The following ATP13A5 variants were observed in gnomAD, a reference collection of about 807,000 sequenced individuals.
ATP13A5 encodes the protein ATPase 13A5, also known as probable cation-transporting ATPase 13A5.
A neutral mutation model predicts 150.2 loss-of-function variants in ATP13A5; 149 were observed. The observed-to-expected ratio is 0.99, with a 90% confidence interval of 0.87 to 1.14. The LOEUF (loss-of-function observed/expected upper bound fraction) is 1.14, where lower values mean the gene tolerates loss of function less well. Among genes scored for constraint, ATP13A5 ranks in the 50% most tolerant of loss-of-function variants. The pLI is 0.00. For synonymous variants in ATP13A5, 497 were observed against 522.2 expected (o/e 0.95, Z 0.66); for missense variants, 1,383 against 1,449.3 (o/e 0.95, Z 0.74).
intron 5 of ATP13A5, among the ~76,000 whole-genome samples, chr3:193,356,657 A>C (rs978686979): frequency 1.3e-5 from 2 of 152,156 alleles, no homozygotes; most frequent in African/African-American, 4.8e-5. Flanking sequence ...CTATCTTTGA[A>C]GTCTTACTCC....
In ATP13A5 at chr3:193,311,916, C is replaced by T. The variant is rs1718866372; in HGVS notation, c.2345G>A (p.Ser782Asn). 1 of 1,613,872 alleles carries T rather than the reference C, an allele frequency of 6.2e-7. No individual in the cohort carries two copies. Among genetic ancestry groups the T allele is most frequent in the Non-Finnish European group, 8.5e-7 (1 of 1,179,832 alleles). Reference sequence around the variant, plus strand: ...TCCTCCTTCCCCACGAGGGGTTGAACTGTTTCCAGTATGCATGTAGATTTC... The same window carrying T: ...TCCTCCTTCCCCACGAGGGGTTGAATTGTTTCCAGTATGCATGTAGATTTC... ...KKEIYMHTGN[S>N]STPRGEGGSC... Residue 782 changes from serine (S) to asparagine (N), a missense_variant, in exon 20 of 30, where the codon AGT (serine) becomes AAT (asparagine). Coordinates refer to ENST00000342358, the MANE Select transcript of ATP13A5 (RefSeq NM_198505.4).
intron 16 of ATP13A5, among the ~76,000 whole-genome samples, chr3:193,319,784 C>G (rs1235668543): frequency 6.6e-6 from 1 of 151,942 alleles, no homozygotes; most frequent in Non-Finnish European, 1.5e-5. Flanking sequence ...AAAAACAAAA[C>G]TAGGATGCAC....
chr3:193,344,709 A>G (rs1441049507), intron 8 of ATP13A5, among the ~76,000 whole-genome samples: 8 of 152,162 alleles, frequency 5.3e-5, no homozygotes, highest in Admixed American at 5.2e-4. Context: ...GAACCCAGAC[A>G]TTGGGTAAGA....
rs535449371 is a variant in ATP13A5, at chr3:193,333,168, CACAA to C, written c.1272+578_1272+581del. 3.1e-3 allele frequency among the ~76,000 whole-genome samples: 472 copies of C among 149,982 alleles called. 5 individuals carry two copies. Among genetic ancestry groups the C allele is most frequent in the East Asian group, 0.03 (151 of 5,068 alleles). ...ACACACACACACACAAACACACACA[CACAA>C]ACACACACACACACACACACACGCT... On this transcript the variant is annotated intron_variant, in intron 11 of 29. Coordinates refer to ENST00000342358, the MANE Select transcript of ATP13A5 (RefSeq NM_198505.4).
chr3:193,330,272 TC>T (rs1711579605), intron 12 of ATP13A5, among the ~76,000 whole-genome samples: 1 of 152,184 alleles, frequency 6.6e-6, no homozygotes, highest in Non-Finnish European at 1.5e-5. Flanking sequence ...CCATCTACAC[TC>T]CCATTTTCCT....
At chr3:193,310,261 A>G (rs1338039014) in intron 21 of ATP13A5, among the ~76,000 whole-genome samples, 2 of 151,988 alleles carry the variant, frequency 1.3e-5, no homozygotes, top group Non-Finnish European at 2.9e-5. Flanking sequence ...TCTTTGTCCA[A>G]TCTGTCATTG....
chr3:193,293,706 G>A (rs937119745), intron 25 of ATP13A5, among the ~76,000 whole-genome samples: 5 of 152,004 alleles, frequency 3.3e-5, no homozygotes, highest in African/African-American at 1.2e-4. Context: ...ATTTCAGGAG[G>A]TTCATGAACC....
At chr3:193,349,983 A>C (rs1712502524) in intron 7 of ATP13A5, among the ~76,000 whole-genome samples, 1 of 152,206 alleles carries the variant, frequency 6.6e-6, no homozygotes, top group African/African-American at 2.4e-5. Context: ...TGTGGTGGCA[A>C]AAGATTGAGG....
chr3:193,295,613 T>C (rs1718136894), intron 25 of ATP13A5, among the ~76,000 whole-genome samples: 1 of 152,110 alleles, frequency 6.6e-6, no homozygotes, highest in Non-Finnish European at 1.5e-5. Flanking sequence ...TGAACACTTG[T>C]ATAAGGGAAT....
chr3:193,347,796 C>T (rs1255516317), intron 7 of ATP13A5, among the ~76,000 whole-genome samples: 1 of 152,154 alleles, frequency 6.6e-6, no homozygotes, highest in Non-Finnish European at 1.5e-5. Context: ...TCATAAAGGC[C>T]TACTCAAATG....
At chr3:193,310,789 G>GA in intron 20 of ATP13A5, 72 bp from the exon 21 acceptor site, 1 of 1,140,824 alleles carries the variant, frequency 8.8e-7, no homozygotes. Context: ...GAACAGCCCT[G>GA]AAAAATCACT....
intron 5 of ATP13A5, among the ~76,000 whole-genome samples, chr3:193,357,627 G>T (rs1050699256): frequency 6.6e-6 from 1 of 152,212 alleles, no homozygotes; most frequent in African/African-American, 2.4e-5. Flanking sequence ...CCAGCTGGCA[G>T]GGAAAACAGG....
chr3:193,326,943 T>C, intron 13 of ATP13A5, 53 bp downstream of exon 13: 3 of 1,489,164 alleles, frequency 2.0e-6, no homozygotes, highest in Non-Finnish European at 2.8e-6. Flanking sequence ...GATTTGAGTA[T>C]CATCCAGGTA....
intron 1 of ATP13A5, among the ~76,000 whole-genome samples, chr3:193,377,925 T>C (rs879797631): frequency 1.3e-4 from 20 of 152,250 alleles, no homozygotes; most frequent in Admixed American, 1.2e-3. Context: ...GGGCAAGTTA[T>C]TTAACCTCCC....
At chr3:193,284,145 C>T (rs904082481) in intron 27 of ATP13A5, among the ~76,000 whole-genome samples, 15 of 151,804 alleles carry the variant, frequency 9.9e-5, no homozygotes, top group Admixed American at 9.9e-4. Flanking sequence ...CTCAGCCTCC[C>T]CAAGTAGCTG....
Position 193,290,067 on chromosome 3 carries a change from A to G in ATP13A5, c.2849-8T>C. 1 of 1,590,144 alleles carries G rather than the reference A, an allele frequency of 6.3e-7. No homozygotes were observed. Among genetic ancestry groups the G allele is most frequent in the Non-Finnish European group, 8.5e-7 (1 of 1,171,800 alleles). On this transcript the variant is annotated splice_region_variant and splice_polypyrimidine_tract_variant and intron_variant, in intron 25 of 29. Coordinates refer to ENST00000342358, the MANE Select transcript of ATP13A5 (RefSeq NM_198505.4). ...AGGCATGAGTTGAACTCACTGAAAG[A>G]CAAATACATTTTTTTCCTATTACAA...
intron 16 of ATP13A5, among the ~76,000 whole-genome samples, chr3:193,321,405 C>A (rs770320739): frequency 6.6e-6 from 1 of 152,020 alleles, no homozygotes; most frequent in African/African-American, 2.4e-5. Context: ...CTGAGGCAGG[C>A]GGATCACTTG....
chr3:193,297,130 G>C (rs1718204944), intron 25 of ATP13A5, among the ~76,000 whole-genome samples: 1 of 151,946 alleles, frequency 6.6e-6, no homozygotes, highest in Non-Finnish European at 1.5e-5. Context: ...ATTTGCAGCA[G>C]AAAAAAGAAC....
rs182159398 is a variant in ATP13A5 at position 193,298,796 on chromosome 3, A to G, written c.2848+335T>C. Among the ~76,000 whole-genome samples the G allele has an allele frequency of 9.2e-4, 140 of 152,306 alleles. 3 individuals carry two copies. The highest frequency in any genetic ancestry group is 8.1e-3 in the Admixed American group (124 of 15,282). On this transcript the variant is annotated intron_variant, in intron 25 of 29. Coordinates refer to ENST00000342358, the MANE Select transcript of ATP13A5 (RefSeq NM_198505.4). ...ATCTGGTTTCACGTCAATGTGAAGC[A>G]TAGCTGAATAATGGAAAGTGACCTT...
Sources: allele counts gnomAD v4.1 joint callset (sites outside exome capture counted in the v4.1 genomes callset), GRCh38; gene constraint gnomAD v4.1.1; transcripts MANE v1.5; gene names NCBI Gene and HGNC (gene_info 2026-07-23, HGNC 2026-07-21).